ABL1: variants seen among roughly 807,000 people sequenced by gnomAD.
ABL1 encodes ABL proto-oncogene 1, non-receptor tyrosine kinase.
Under a neutral mutation model 94.7 loss-of-function variants are expected in ABL1, and 11 were observed. The ratio of observed to expected loss-of-function variants is 0.12; its 90% CI spans 0.07 to 0.19. The LOEUF (loss-of-function observed/expected upper bound fraction) is 0.19, where lower values mean the gene tolerates loss of function less well. Among genes scored for constraint, ABL1 ranks in the 10% least tolerant of loss-of-function variants. The pLI, the probability that ABL1 is intolerant of heterozygous loss-of-function variation, is 1.00. For synonymous variants in ABL1, 656 were observed against 622.4 expected, an observed-to-expected ratio of 1.05 and a Z score of -0.80; for missense variants, 1,082 against 1,489.4, an observed-to-expected ratio of 0.73 and a Z score of 4.50.
intron 1 of ABL1, among the ~76,000 whole-genome samples, chr9:130,853,377 T>A (rs1830910800): frequency 6.6e-6 from 1 of 150,722 alleles, no homozygotes; most frequent in Admixed American, 6.6e-5. Flanking sequence ...GATTTCACTG[T>A]GTTGGTCAGG....
chr9:130,812,901 C>G (rs1000812937), intron 1 of ABL1, among the ~76,000 whole-genome samples: 8 of 152,222 alleles, frequency 5.3e-5, no homozygotes, highest in African/African-American at 1.9e-4. Context: ...CAAGACAAAT[C>G]ATTTTCTGGG....
At chr9:130,828,987 A>T (rs1830461608) in intron 1 of ABL1, among the ~76,000 whole-genome samples, 1 of 152,170 alleles carries the variant, frequency 6.6e-6, no homozygotes. Flanking sequence ...ATATTAGAAG[A>T]TCCTAAAAGT....
intron 1 of ABL1, among the ~76,000 whole-genome samples, chr9:130,759,012 C>T (rs944730338): frequency 1.3e-5 from 2 of 152,112 alleles, no homozygotes; most frequent in African/African-American, 4.8e-5. Context: ...TCTTTCGGTC[C>T]GAACACTGAG....
intron 1 of ABL1, among the ~76,000 whole-genome samples, chr9:130,779,847 G>A (rs184554798): frequency 2.0e-5 from 3 of 152,200 alleles, no homozygotes; most frequent in East Asian, 3.9e-4. Flanking sequence ...GGGATACTGC[G>A]GGCAAACCTG....
intron 1 of ABL1, among the ~76,000 whole-genome samples, chr9:130,804,853 A>G (rs868104101): frequency 1.3e-5 from 2 of 152,192 alleles, no homozygotes; most frequent in African/African-American, 2.4e-5. Flanking sequence ...TTAAGCTAAT[A>G]TTAACTTCTA....
At chr9:130,824,942 ATCT>A (rs1830405925) in intron 1 of ABL1, among the ~76,000 whole-genome samples, 1 of 152,194 alleles carries the variant, frequency 6.6e-6, no homozygotes, top group Non-Finnish European at 1.5e-5. Flanking sequence ...GAGGGAAGAA[ATCT>A]TCTGGTTCCA....
chr9:130,772,968 C>A (rs1204269709), intron 1 of ABL1, among the ~76,000 whole-genome samples: 1 of 152,184 alleles, frequency 6.6e-6, no homozygotes, highest in Non-Finnish European at 1.5e-5. Flanking sequence ...TAATAAACAT[C>A]TTTTTAATGA....
Position 130,880,765 on chromosome 9 carries a change from C to A in ABL1, c.1678+101C>A. ...AACGGGAAGCTGTGAATGGAGCCCG[C>A]ACAGAAGGGCAGCCATGGCCTTTGT... On this transcript the variant is annotated intron_variant, in intron 10 of 10. Coordinates refer to ENST00000318560, the MANE Select transcript of ABL1 (RefSeq NM_005157.6). The surrounding 1 kb of genome is among the most constrained non-coding windows in gnomAD (Gnocchi z 4.4). 1 of 1,374,052 alleles carries A rather than the reference C, an allele frequency of 7.3e-7. No homozygotes were observed. The highest frequency in any genetic ancestry group is 9.8e-7 in the Non-Finnish European group (1 of 1,021,268). The allele number at this position is 1,374,052 out of a possible 1,614,324, so 85.1% of individuals were successfully genotyped here.
At chr9:130,714,750 T>A (rs1223616534) in intron 1 of ABL1, among the ~76,000 whole-genome samples, 1 of 152,222 alleles carries the variant, frequency 6.6e-6, no homozygotes, top group Admixed American at 6.5e-5. Context: ...CCTGAGGGGC[T>A]GGACTTCAGT....
chr9:130,738,613 GCTA>G (rs778611084), intron 1 of ABL1, among the ~76,000 whole-genome samples: 11 of 152,140 alleles, frequency 7.2e-5, no homozygotes, highest in Non-Finnish European at 1.5e-4. Context: ...CCCTGCTGGA[GCTA>G]CTGTCTATTT....
rs557867261 is a variant in ABL1 at position 130,791,991 on chromosome 9, G to T, written c.137-62073G>T. On this transcript the variant is annotated intron_variant, in intron 1 of 10. Transcript: ENST00000372348. The stretch of plus-strand genomic sequence containing the variant: ...AAGGGAAATGACACCAAGAAGGAAG[G>T]TTTAAAATTTAAGACAACATTAAGT... 6.4e-4 allele frequency among the ~76,000 whole-genome samples: 98 copies of T among 152,280 alleles called. 2 individuals are homozygous for T. The South Asian group carries it at 0.019, about 30-fold the overall frequency.
At chr9:130,883,046 C>A (rs1046149678) in intron 10 of ABL1, among the ~76,000 whole-genome samples, 2 of 152,152 alleles carry the variant, frequency 1.3e-5, no homozygotes, top group African/African-American at 4.8e-5. Context: ...TCAGACAGGC[C>A]TGGATCTGAT....
chr9:130,847,956 C>T (rs1011724857), intron 1 of ABL1, among the ~76,000 whole-genome samples: 4 of 152,098 alleles, frequency 2.6e-5, no homozygotes, highest in African/African-American at 9.7e-5. Flanking sequence ...GCCACTTCCC[C>T]GATTATGTAA....
At chr9:130,861,776 A>G (rs1299628987) in intron 3 of ABL1, among the ~76,000 whole-genome samples, 2 of 152,216 alleles carry the variant, frequency 1.3e-5, no homozygotes, top group African/African-American at 4.8e-5. Flanking sequence ...CAGTAGATTC[A>G]GTTATGTGCC....
chr9:130,884,025 C>G lies in ABL1; in HGVS notation c.1735C>G (p.Pro579Ala). Residue 579 changes from proline to alanine, a missense_variant, in exon 11 of 11, where the codon CCC becomes GCC. Coordinates refer to ENST00000318560, the MANE Select transcript of ABL1 (RefSeq NM_005157.6). The surrounding 1 kb of genome is among the most constrained non-coding windows in gnomAD (Gnocchi z 5.6). The part of the protein sequence containing the change: ...SPLLPRKERG[P>A]PEGGLNEDER... ...ATTGCTCCCTCGAAAAGAGCGAGGTCCCCCGGAGGGCGGCCTGAATGAAGA... is the reference window on the plus strand; with the variant it reads ...ATTGCTCCCTCGAAAAGAGCGAGGTGCCCCGGAGGGCGGCCTGAATGAAGA... 4 of 1,613,842 alleles carry G rather than the reference C, an allele frequency of 2.5e-6. No individual in the cohort carries two copies. Among genetic ancestry groups the G allele is most frequent in the Non-Finnish European group, 3.4e-6 (4 of 1,180,032 alleles).
At chr9:130,743,631 GGA>G (rs1315287942) in intron 1 of ABL1, among the ~76,000 whole-genome samples, 1 of 152,170 alleles carries the variant, frequency 6.6e-6, no homozygotes, top group Non-Finnish European at 1.5e-5. Context: ...ATCCCAGAGA[GGA>G]GAGAGAGAGA....
intron 1 of ABL1, among the ~76,000 whole-genome samples, chr9:130,728,721 G>A (rs1831624144): frequency 6.7e-6 from 1 of 149,964 alleles, no homozygotes; most frequent in African/African-American, 2.5e-5. Context: ...GTATTTTTCT[G>A]CTGAGATTCA....
rs145837807 is a variant in ABL1, at chr9:130,735,031, T to A, written c.136+20576T>A. ...TTATTTTAAAATTAAATTGAACTTT[T>A]TTTGTTGTGTTTTTTTGAGATACAA... On this transcript the variant is annotated intron_variant, in intron 1 of 10. Transcript: ENST00000372348. 7.2e-5 allele frequency among the ~76,000 whole-genome samples: 11 copies of A among 152,174 alleles called. No individual in the cohort carries two copies. In the East Asian group the frequency reaches 2.1e-3, roughly 29 times the overall value.
At chr9:130,745,126 C>T (rs146621235) in intron 1 of ABL1, among the ~76,000 whole-genome samples, 1 of 149,870 alleles carries the variant, frequency 6.7e-6, no homozygotes, top group Non-Finnish European at 1.5e-5. Flanking sequence ...CTCTTGTTGC[C>T]CAGGCTGGAG....
Sources: gnomAD v4.1 joint callset for allele counts (sites outside exome capture counted in the v4.1 genomes callset) on GRCh38, gnomAD v4.1.1 for gene constraint, Gnocchi (gnomAD v3.1) non-coding constraint, MANE v1.5 for transcripts, NCBI Gene and HGNC (gene_info 2026-07-23, HGNC 2026-07-21) for gene names.